PIK3CD: variants seen among roughly 807,000 people sequenced by gnomAD.
PIK3CD encodes the protein phosphatidylinositol-4,5-bisphosphate 3-kinase catalytic subunit delta, also known as phosphatidylinositol 4,5-bisphosphate 3-kinase catalytic subunit delta isoform.
Under a neutral mutation model 122.9 loss-of-function variants are expected in PIK3CD, and 20 were observed. The ratio of observed to expected loss-of-function variants is 0.16; its 90% confidence interval spans 0.11 to 0.24. The LOEUF is 0.24. Ranked by LOEUF, PIK3CD falls within the 10% of genes least tolerant of loss-of-function variation. The pLI is 1.00. For missense variants in PIK3CD, 787 were observed against 1,406.3 expected, an observed-to-expected ratio of 0.56 and a Z score of 7.04; for synonymous variants, 596 against 593.4, an observed-to-expected ratio of 1.00 and a Z score of -0.06.
chr1:9,643,124 A>T, the PIK3CD span, among the ~76,000 whole-genome samples: 9 of 126,822 alleles, frequency 7.1e-5, no homozygotes, highest in African/African-American at 2.7e-4. Context: ...AGAAAGAAGG[A>T]AAGGCCAGGC....
chr1:9,655,746 G>A (rs1174407970), intron 1 of PIK3CD, among the ~76,000 whole-genome samples: 2 of 137,338 alleles, frequency 1.5e-5, no homozygotes, highest in Non-Finnish European at 3.0e-5. Context: ...CGCCCAGGCT[G>A]GAGTGCAATG....
chr1:9,710,382 GCTCAGCTGAGGTAA>G lies in PIK3CD; in HGVS notation c.-32-37_-32-24del. On this transcript the variant is annotated intron_variant, in intron 2 of 23. Transcript: ENST00000377346. The surrounding 1 kb of genome is among the most constrained non-coding windows in gnomAD (Gnocchi z 4.7). ...GAGTCCCTTCCAAAGGTCTCACCCA[GCTCAGCTGAGGTAA>G]CTCATTTTGCCATTTCTTCATTTTT... 6.6e-7 allele frequency: 1 copy of G among 1,506,486 alleles called. No individual in the cohort carries two copies. The highest frequency in any genetic ancestry group is 9.2e-7 in the Non-Finnish European group (1 of 1,083,626). 93.3% of individuals were successfully genotyped at this position (1,506,486 alleles called of 1,614,324 possible).
the PIK3CD span, among the ~76,000 whole-genome samples, chr1:9,630,739 T>TGTGTGCGCGCGC: frequency 4.6e-5 from 7 of 150,962 alleles, no homozygotes; most frequent in South Asian, 1.5e-3. Flanking sequence ...TGTGTGTGTG[T>TGTGTGCGCGCGC]GCAGAAGAGG....
In PIK3CD at chr1:9,719,836, T is replaced by G; in HGVS notation, c.1243-85T>G. Reference sequence around the variant, plus strand: ...GATGTTAGCTGGGCTCTGGGTCTTCTCGGGTGGGGTGCCTGGGGGAGGGCA... The same window carrying G: ...GATGTTAGCTGGGCTCTGGGTCTTCGCGGGTGGGGTGCCTGGGGGAGGGCA... On this transcript the variant is annotated intron_variant, in intron 9 of 23. Coordinates refer to ENST00000377346, the MANE Select transcript of PIK3CD (RefSeq NM_005026.5). The surrounding 1 kb of genome is among the most constrained non-coding windows in gnomAD (Gnocchi z 5.5). 1 of 1,087,246 alleles carries G rather than the reference T, an allele frequency of 9.2e-7. No homozygotes were observed. Among genetic ancestry groups the G allele is most frequent in the Admixed American group, 1.7e-5 (1 of 59,374 alleles). 67.3% of individuals were successfully genotyped at this position (1,087,246 alleles called of 1,614,324 possible).
rs1049131508 is a variant in PIK3CD, at chr1:9,658,008, T to C, written c.-138+6206T>C. On this transcript the variant is annotated intron_variant, in intron 1 of 23. Coordinates refer to ENST00000377346, the MANE Select transcript of PIK3CD (RefSeq NM_005026.5). ...CAGCCACAGTGGGGGCATTGCTCTT[T>C]TCTATGTTGGTCATGAAATCTGGAA... Among the ~76,000 whole-genome samples, 5 of 152,306 alleles carry C rather than the reference T, an allele frequency of 3.3e-5. No individual in the cohort carries two copies. The South Asian group carries it at 1.0e-3, about 32-fold the overall frequency.
rs1476613388 is a variant in PIK3CD, at chr1:9,727,292, C to T, written c.*246C>T. 9 of 550,502 alleles carry T rather than the reference C, an allele frequency of 1.6e-5. No homozygotes were observed. The highest frequency in any genetic ancestry group is 1.3e-4 in the East Asian group (4 of 31,630). 34.1% of individuals were successfully genotyped at this position (550,502 alleles called of 1,614,324 possible). ...GCCCCCCGAGGCTGCACCTGGCTCT[C>T]GGCTGAGGATTGTCACCCCAAGTCT... On this transcript the variant is annotated 3_prime_UTR_variant, in exon 24 of 24. Transcript: ENST00000377346.
chr1:9,708,810 C>A (rs1646941754), intron 2 of PIK3CD, among the ~76,000 whole-genome samples: 1 of 151,872 alleles, frequency 6.6e-6, no homozygotes, highest in Admixed American at 6.6e-5. Flanking sequence ...CCAGCCTGGG[C>A]TACAGAGTAA....
intron 1 of PIK3CD, among the ~76,000 whole-genome samples, chr1:9,659,958 C>T (rs1283990959): frequency 3.3e-5 from 5 of 152,110 alleles, no homozygotes; most frequent in African/African-American, 4.8e-5. Flanking sequence ...TCTTGTTGCC[C>T]AGGCTGGAGT....
chr1:9,680,234 C>T (rs556837271), intron 1 of PIK3CD, among the ~76,000 whole-genome samples: 15 of 147,206 alleles, frequency 1.0e-4, no homozygotes, highest in Non-Finnish European at 1.8e-4. Context: ...CCTCGGCCTC[C>T]CAAAGTGCTA....
intron 2 of PIK3CD, among the ~76,000 whole-genome samples, chr1:9,707,781 T>A (rs1646895923): frequency 6.9e-6 from 1 of 144,988 alleles, no homozygotes; most frequent in African/African-American, 2.7e-5. Flanking sequence ...CTGGGTAAAT[T>A]TTTTTTTTTT....
At chr1:9,656,204 T>TGGAG (rs1274660188) in intron 1 of PIK3CD, among the ~76,000 whole-genome samples, 1 of 152,178 alleles carries the variant, frequency 6.6e-6, no homozygotes, top group Non-Finnish European at 1.5e-5. Context: ...TTTTTGGTCC[T>TGGAG]GGAGGGATGC....
intron 1 of PIK3CD, among the ~76,000 whole-genome samples, chr1:9,686,601 G>A (rs9659485): frequency 0.14 from 21,502 of 151,942 alleles, 1,910 homozygotes; most frequent in South Asian, 0.25. Flanking sequence ...TGATCCTCCT[G>A]CCCTGGCCTC....
intron 1 of PIK3CD, among the ~76,000 whole-genome samples, chr1:9,686,643 T>C (rs373309218): frequency 4.5e-4 from 68 of 152,344 alleles, no homozygotes; most frequent in Middle Eastern, 3.4e-3. Context: ...CGTGAGCCAC[T>C]GTGCCAGGTC....
chr1:9,717,084 A>G lies in PIK3CD; in HGVS notation c.906A>G (p.Lys302=), dbSNP rs2100868848. 6.2e-7 allele frequency: 1 copy of G among 1,613,838 alleles called. No homozygotes were observed. Among genetic ancestry groups the G allele is most frequent in the Non-Finnish European group, 8.5e-7 (1 of 1,179,998 alleles). ...PAPQVQKPRA[K]PPPIPAKKPS... is the part of the protein sequence containing the mutation. Reference sequence around the variant, plus strand: ...CCCAGGTCCAGAAACCGCGTGCCAAACCACCTCCCATTCCTGCGAAGAAGG... The same window carrying G: ...CCCAGGTCCAGAAACCGCGTGCCAAGCCACCTCCCATTCCTGCGAAGAAGG... Residue 302 remains lysine, a synonymous_variant, in exon 7 of 24, where the codon AAA becomes AAG. Coordinates refer to ENST00000377346, the MANE Select transcript of PIK3CD (RefSeq NM_005026.5). This position sits in a 1 kb window ranked among gnomAD's most constrained non-coding sequence, Gnocchi z 5.4.
At chr1:9,644,516 CAAATAAATAAATAAATAAAT>C in the PIK3CD span, among the ~76,000 whole-genome samples, 80 of 145,558 alleles carry the variant, frequency 5.5e-4, no homozygotes, top group African/African-American at 2.0e-3. Flanking sequence ...GACTCCGTCT[CAAATAAATAAATAAATAAAT>C]AAATAAATAA....
chr1:9,675,947 T>C (rs1645519245), intron 1 of PIK3CD, among the ~76,000 whole-genome samples: 1 of 150,868 alleles, frequency 6.6e-6, no homozygotes, highest in Admixed American at 6.6e-5. Context: ...TTTTTTTTTT[T>C]TGAGACGAAG....
In PIK3CD at chr1:9,728,431, A is replaced by G. The variant is rs961716466; in HGVS notation, c.*1385A>G. ...TTAGCAGCCCACAGGTGATCCTAAC[A>G]TATCAGGCCATGGACTCAGGACCTG... On this transcript the variant is annotated 3_prime_UTR_variant, in exon 24 of 24. Coordinates refer to ENST00000377346, the MANE Select transcript of PIK3CD (RefSeq NM_005026.5). The G allele has an allele frequency of 6.6e-6, 1 of 152,234 alleles. No homozygotes were observed. Among genetic ancestry groups the G allele is most frequent in the African/African-American group, 2.4e-5 (1 of 41,446 alleles). 9.4% of individuals were successfully genotyped at this position (152,234 alleles called of 1,614,324 possible). A position where few individuals can be genotyped will look rare whatever the true frequency, so the allele number is the denominator to read the frequency against.
intron 1 of PIK3CD, chr1:9,688,072 T>G (rs923372936): frequency 1.3e-5 from 2 of 152,212 alleles, no homozygotes; most frequent in African/African-American, 2.4e-5. Context: ...CATTCTGGGC[T>G]TCTTCGAGAT....
At chr1:9,677,221 C>T (rs941184076) in intron 1 of PIK3CD, among the ~76,000 whole-genome samples, 5 of 152,038 alleles carry the variant, frequency 3.3e-5, no homozygotes, top group Admixed American at 6.5e-5. Flanking sequence ...TGACACTTGA[C>T]GGGGGGACTG....
Sources: allele counts gnomAD v4.1 joint callset (sites outside exome capture counted in the v4.1 genomes callset), GRCh38; gene constraint gnomAD v4.1.1; non-coding constraint Gnocchi (gnomAD v3.1); transcripts MANE v1.5; gene names NCBI Gene and HGNC (gene_info 2026-07-23, HGNC 2026-07-21).